The following GALNTL6 variants were observed in gnomAD, a reference collection of about 807,000 sequenced individuals.
GALNTL6 encodes polypeptide N-acetylgalactosaminyltransferase like 6.
GALNTL6 carries 46 observed loss-of-function variants against 73.7 expected under a neutral mutation model. The ratio of observed to expected loss-of-function variants is 0.62; its 90% CI spans 0.49 to 0.80. The LOEUF (loss-of-function observed/expected upper bound fraction) is 0.80, where lower values mean the gene tolerates loss of function less well. Ranked by LOEUF, GALNTL6 falls within the 30% of genes least tolerant of loss-of-function variation. The pLI is 0.00. For missense variants in GALNTL6, 604 were observed against 755.0 expected (o/e 0.80, Z 2.34); for synonymous variants, 259 against 263.7 (o/e 0.98, Z 0.17).
At chr4:173,015,640 G>A (rs1429382762) in intron 11 of GALNTL6, among the ~76,000 whole-genome samples, 2 of 152,170 alleles carry the variant, frequency 1.3e-5, no homozygotes, top group Non-Finnish European at 2.9e-5. Flanking sequence ...TGAGAGTGAT[G>A]ATTTAGGGTA....
intron 5 of GALNTL6, among the ~76,000 whole-genome samples, chr4:172,792,061 A>G (rs1319660143): frequency 6.6e-6 from 1 of 152,120 alleles, no homozygotes. Flanking sequence ...CATGTGGGCA[A>G]CTCACCCAGG....
chr4:173,006,221 C>T lies in GALNTL6; in HGVS notation c.1372-2957C>T, dbSNP rs141009010. 3.9e-3 allele frequency among the ~76,000 whole-genome samples: 596 copies of T among 152,262 alleles called. 4 individuals carry two copies. Among genetic ancestry groups the T allele is most frequent in the African/African-American group, 0.014 (570 of 41,536 alleles). On this transcript the variant is annotated intron_variant, in intron 10 of 12. Coordinates refer to ENST00000506823, the MANE Select transcript of GALNTL6 (RefSeq NM_001034845.3). The stretch of plus-strand genomic sequence containing the variant: ...TTTTTCTTCCCAAATGTGTTCAGAG[C>T]TCCTGGACTCAAGTAGAGAGAAAAA...
chr4:172,046,064 T>C (rs1742210940), intron 2 of GALNTL6, among the ~76,000 whole-genome samples: 1 of 152,030 alleles, frequency 6.6e-6, no homozygotes, highest in Admixed American at 6.6e-5. Flanking sequence ...TCATAGTGTA[T>C]ATATACCACA....
Position 171,908,026 on chromosome 4 carries a change from T to A in GALNTL6, c.138+93308T>A, listed in dbSNP as rs1243074499. On this transcript the variant is annotated intron_variant, in intron 2 of 12. Transcript: ENST00000506823. ...GGATTAAAGACTTAAACGTTAGACC[T>A]AAAACCATAAAAACCCTAGAAGAAA... Among the ~76,000 whole-genome samples the A allele has an allele frequency of 3.3e-5, 5 of 152,086 alleles. No homozygotes were observed. The South Asian group carries it at 6.2e-4, about 19-fold the overall frequency.
intron 5 of GALNTL6, among the ~76,000 whole-genome samples, chr4:172,591,975 G>C (rs1332983243): frequency 2.0e-5 from 3 of 152,166 alleles, no homozygotes; most frequent in Non-Finnish European, 4.4e-5. Flanking sequence ...ACCACTAAGA[G>C]TACTGATTCT....
intron 5 of GALNTL6, among the ~76,000 whole-genome samples, chr4:172,377,896 C>T (rs554755009): frequency 1.3e-5 from 2 of 151,738 alleles, no homozygotes; most frequent in South Asian, 4.2e-4. Flanking sequence ...GCACGCAGCA[C>T]CAGATCCCCC....
chr4:171,923,786 CTGTGTGTGTG>C (rs563244976), intron 2 of GALNTL6, among the ~76,000 whole-genome samples: 27 of 133,294 alleles, frequency 2.0e-4, no homozygotes, highest in African/African-American at 4.1e-4. Flanking sequence ...AAAAGTATTG[CTGTGTGTGTG>C]TGTGTGTGTG....
chr4:173,008,515 A>G (rs986708088), intron 10 of GALNTL6, among the ~76,000 whole-genome samples: 3 of 152,216 alleles, frequency 2.0e-5, no homozygotes, highest in African/African-American at 7.2e-5. Context: ...GCAAGTCAAT[A>G]CACCAAGATA....
intron 5 of GALNTL6, among the ~76,000 whole-genome samples, chr4:172,615,582 G>A (rs1406293746): frequency 6.6e-6 from 1 of 152,064 alleles, no homozygotes; most frequent in Non-Finnish European, 1.5e-5. Flanking sequence ...TGAAAGCAAT[G>A]AGCTTCATTC....
At chr4:172,951,848 T>A (rs928800021) in intron 9 of GALNTL6, among the ~76,000 whole-genome samples, 189 bp from the exon 10 acceptor site, 2 of 152,234 alleles carry the variant, frequency 1.3e-5, no homozygotes, top group Non-Finnish European at 2.9e-5. Flanking sequence ...GAAATGTGTG[T>A]GAAGCCACAG....
rs180827814 is a variant in GALNTL6, at chr4:172,824,543, T to C, written c.923+10820T>C. 9.2e-5 allele frequency among the ~76,000 whole-genome samples: 14 copies of C among 152,252 alleles called. No homozygotes were observed. The East Asian group carries it at 2.7e-3, about 29-fold the overall frequency. On this transcript the variant is annotated intron_variant, in intron 7 of 12. Transcript: ENST00000506823. ...GTATGTCAATGTGTCTGTGTATGTGTAAATTTTGCTTGTAAATTGCTTCAA... is the reference window on the plus strand; with the variant it reads ...GTATGTCAATGTGTCTGTGTATGTGCAAATTTTGCTTGTAAATTGCTTCAA...
At chr4:172,383,355 G>GT (rs1480527538) in intron 5 of GALNTL6, among the ~76,000 whole-genome samples, 3 of 151,898 alleles carry the variant, frequency 2.0e-5, no homozygotes, top group Non-Finnish European at 4.4e-5. Context: ...ATAAGTGATT[G>GT]TTTTTTGTGC....
chr4:172,695,632 T>C (rs183253558), intron 5 of GALNTL6, among the ~76,000 whole-genome samples: 89 of 152,360 alleles, frequency 5.8e-4, no homozygotes, highest in African/African-American at 2.0e-3. Context: ...TAATTTATTT[T>C]TATTTTCAAT....
chr4:172,683,464 G>T (rs1468765012), intron 5 of GALNTL6, among the ~76,000 whole-genome samples: 2 of 152,140 alleles, frequency 1.3e-5, no homozygotes, highest in Non-Finnish European at 2.9e-5. Context: ...TGCCACAGTG[G>T]TTACAATAAT....
intron 5 of GALNTL6, among the ~76,000 whole-genome samples, chr4:172,581,308 G>A (rs992207221): frequency 3.3e-5 from 5 of 152,140 alleles, no homozygotes; most frequent in African/African-American, 1.2e-4. Flanking sequence ...ATTCTGCCTT[G>A]ATGGAGTCAT....
intron 7 of GALNTL6, among the ~76,000 whole-genome samples, chr4:172,837,084 C>T (rs529501972): frequency 6.6e-6 from 1 of 152,282 alleles, no homozygotes; most frequent in Non-Finnish European, 1.5e-5. Context: ...CAATAGCTCT[C>T]AGTTATCTAT....
chr4:173,023,040 C>A lies in GALNTL6; in HGVS notation c.1638+1415C>A, dbSNP rs150107642. On this transcript the variant is annotated intron_variant, in intron 12 of 12. Transcript: ENST00000506823. ...CTGTTTGCTTTTTCACACTCTGAGGCCAGCCTTGCCTCAGGCTATAAGGAA... is the reference window on the plus strand; with the variant it reads ...CTGTTTGCTTTTTCACACTCTGAGGACAGCCTTGCCTCAGGCTATAAGGAA... Among the ~76,000 whole-genome samples, 931 of 152,224 alleles carry A rather than the reference C, an allele frequency of 6.1e-3. 30 individuals are homozygous for A. In the South Asian group the frequency reaches 0.09, roughly 15 times the overall value.
chr4:172,769,989 C>T (rs1325969024), intron 5 of GALNTL6, among the ~76,000 whole-genome samples: 4 of 152,104 alleles, frequency 2.6e-5, no homozygotes, highest in African/African-American at 7.2e-5. Context: ...TATAGCTGGG[C>T]GCGGTGGCTC....
At chr4:172,300,729 C>T (rs966514490) in intron 3 of GALNTL6, among the ~76,000 whole-genome samples, 5 of 152,050 alleles carry the variant, frequency 3.3e-5, no homozygotes, top group Non-Finnish European at 7.4e-5. Flanking sequence ...GAGTTTCTGC[C>T]GAGATATCAG....
Sources: gnomAD v4.1 joint callset for allele counts (sites outside exome capture counted in the v4.1 genomes callset) on GRCh38, gnomAD v4.1.1 for gene constraint, MANE v1.5 for transcripts, NCBI Gene and HGNC (gene_info 2026-07-23, HGNC 2026-07-21) for gene names.